The following SNX20 variants were observed in gnomAD, a reference collection of about 807,000 sequenced individuals.
The protein encoded by SNX20 is sorting nexin 20.
Under a neutral mutation model 24.5 loss-of-function variants are expected in SNX20, and 21 were observed. That is an observed-to-expected ratio of 0.86 (90% CI 0.61 to 1.23). The LOEUF is 1.23. Among genes scored for constraint, SNX20 ranks in the 50% most tolerant of loss-of-function variants. The probability of loss-of-function intolerance (pLI) is 0.00; values close to 1 mark genes in which losing one functional copy is unlikely to be tolerated. For missense variants in SNX20, 433 were observed against 430.8 expected (o/e 1.00, Z -0.04); for synonymous variants, 206 against 192.8 (o/e 1.07, Z -0.57).
chr16:50,667,712 G>A, downstream of SNX20: 1 of 413,600 alleles, frequency 2.4e-6, no homozygotes, highest in Non-Finnish European at 4.3e-6. Context: ...AACTAGTTTT[G>A]CTGCTCCAAA....
downstream of SNX20, chr16:50,669,358 C>T (rs1039726935): frequency 9.3e-6 from 5 of 535,884 alleles, no homozygotes; most frequent in South Asian, 2.4e-5. Context: ...AGGGGGAGTT[C>T]GTGACTTACA....
chr16:50,677,352 T>C, intron 2 of SNX20, 45 bp downstream of exon 2: 1 of 1,492,974 alleles, frequency 6.7e-7, no homozygotes, highest in East Asian at 2.4e-5. Flanking sequence ...ACTTTGAATG[T>C]CTTCAGACCT....
downstream of SNX20, chr16:50,669,396 C>T (rs942490132): frequency 2.1e-6 from 1 of 472,438 alleles, no homozygotes; most frequent in Non-Finnish European, 3.8e-6. Flanking sequence ...AGAGCCATGT[C>T]AGGCTCTTCT....
At chr16:50,681,056 C>A in intron 1 of SNX20, 134 bp downstream of exon 1, 1 of 152,550 alleles carries the variant, frequency 6.6e-6, no homozygotes, top group Non-Finnish European at 1.5e-5. Context: ...CTAAGGAGAG[C>A]TCCAGACACA....
At chr16:50,675,986 G>T (rs1195629352) in intron 2 of SNX20, 65 bp from the exon 3 acceptor site, 1 of 1,501,674 alleles carries the variant, frequency 6.7e-7, no homozygotes, top group Non-Finnish European at 8.9e-7. Flanking sequence ...TGGGCTTGGG[G>T]AGATGGCTGG....
At chr16:50,670,446 A>G (rs1462218589), downstream of SNX20, 1 of 152,198 alleles carries the variant, frequency 6.6e-6, no homozygotes, top group African/African-American at 2.4e-5. Flanking sequence ...CATCCTGGGT[A>G]TGGAGGTCAG....
At chr16:50,669,993 G>A (rs1381344401), downstream of SNX20, 1 of 152,232 alleles carries the variant, frequency 6.6e-6, no homozygotes, top group East Asian at 1.9e-4. Flanking sequence ...GGTCTCATGA[G>A]GATGCCTAAT....
chr16:50,666,793 TGAG>T (rs1428073287), downstream of SNX20: 2 of 152,314 alleles, frequency 1.3e-5, no homozygotes, highest in African/African-American at 4.8e-5. Context: ...ATCCTACAGA[TGAG>T]GAGCTCACAA....
chr16:50,668,013 TATCAGGGTGTGGC>T, downstream of SNX20: 2 of 1,551,602 alleles, frequency 1.3e-6, no homozygotes. Context: ...AGGGTCTTGA[TATCAGGGTGTGGC>T]GTCAGGAGCC....
In SNX20 at chr16:50,672,561, A is replaced by G. The variant is rs1303193534; in HGVS notation, c.*845T>C. The G allele has an allele frequency of 4.0e-5, 6 of 150,888 alleles. No individual in the cohort carries two copies. Among genetic ancestry groups the G allele is most frequent in the African/African-American group, 1.2e-4 (5 of 40,248 alleles). 9.3% of individuals were successfully genotyped at this position (150,888 alleles called of 1,614,324 possible). A position where few individuals can be genotyped will look rare whatever the true frequency, so the allele number is the denominator to read the frequency against. On this transcript the variant is annotated 3_prime_UTR_variant, in exon 4 of 4. Coordinates refer to ENST00000330943, the MANE Select transcript of SNX20 (RefSeq NM_182854.4). ...TGTGTAGAGGCTGTTCTTGAGGGCA[A>G]TAGGTGAGCTTTTGTTTTGCTTTGT...
rs1310404287 is a variant in SNX20, at chr16:50,677,105, G to A, written c.130+292C>T. ...CAGAGATATGTTCCAGGGTCTCCCA[G>A]AAGACCCCCGCTGGGGTTGAGCTTC... On this transcript the variant is annotated intron_variant, in intron 2 of 3. Coordinates refer to ENST00000330943, the MANE Select transcript of SNX20 (RefSeq NM_182854.4). Among the ~76,000 whole-genome samples, 3 of 152,192 alleles carry A rather than the reference G, an allele frequency of 2.0e-5. No individual in the cohort carries two copies. The East Asian group carries it at 5.8e-4, about 29-fold the overall frequency.
rs774842861 is a variant in SNX20, at chr16:50,677,454, G to A, written c.73C>T (p.Gln25Ter). ...TCGGGGCCAGTGGCTGGTGCTTCCT[G>A]CTGGGTCCTTGCCGTGCACTGGGTT... ...PITQCTARTQ[Q>*]EAPATGPDLP... Residue 25 changes from glutamine (Q) to a stop codon, truncating the protein, a stop_gained, in exon 2 of 4, where the codon CAG (glutamine) becomes TAG (stop). Coordinates refer to ENST00000330943, the MANE Select transcript of SNX20 (RefSeq NM_182854.4). LOFTEE classifies it high-confidence loss of function. 6.2e-7 allele frequency: 1 copy of A among 1,609,850 alleles called. No homozygotes were observed. Among genetic ancestry groups the A allele is most frequent in the Non-Finnish European group, 8.5e-7 (1 of 1,177,970 alleles).
chr16:50,677,546 A>G lies in SNX20; in HGVS notation c.-9-11T>C. On this transcript the variant is annotated splice_polypyrimidine_tract_variant and intron_variant, in intron 1 of 3. Coordinates refer to ENST00000330943, the MANE Select transcript of SNX20 (RefSeq NM_182854.4). ...TGCCATGCTCCAAGGCTGCCAGAGG[A>G]AAAAGAGAACAGTGAGGACCCACTC... The G allele has an allele frequency of 6.5e-7, 1 of 1,547,784 alleles. No homozygotes were observed. Among genetic ancestry groups the G allele is most frequent in the Admixed American group, 1.8e-5 (1 of 54,122 alleles).
downstream of SNX20, chr16:50,668,439 G>A (rs952314190): frequency 7.9e-6 from 6 of 763,838 alleles, no homozygotes; most frequent in Admixed American, 4.8e-5. Context: ...AACAGTGATC[G>A]GTTTCATTGT....
At chr16:50,679,706 C>T (rs960812727) in intron 1 of SNX20, among the ~76,000 whole-genome samples, 4 of 152,204 alleles carry the variant, frequency 2.6e-5, no homozygotes, top group Admixed American at 6.5e-5. Context: ...AATGTGGCTA[C>T]AAGCCCCGTC....
chr16:50,675,276 T>C (rs2150761800), intron 3 of SNX20, among the ~76,000 whole-genome samples: 1 of 152,366 alleles, frequency 6.6e-6, no homozygotes, highest in Non-Finnish European at 1.5e-5. Context: ...AGCTAGAATT[T>C]AATAACAGCA....
chr16:50,674,046 C>G lies in SNX20; in HGVS notation c.311G>C (p.Gly104Ala). 1 of 1,606,836 alleles carries G rather than the reference C, an allele frequency of 6.2e-7. No homozygotes were observed. The highest frequency in any genetic ancestry group is 1.7e-5 in the Admixed American group (1 of 59,194). ...GACGGCCTTGTTGTTGTCAAAGCTC[C>G]CAGTCTGGATGACGATGATTTGGTA... is the stretch of plus-strand genomic sequence containing the variant. Reference protein sequence around the residue: ...VVYQIIVIQTGSFDNNKAVLE... With the variant: ...VVYQIIVIQTASFDNNKAVLE... The change falls in exon 4 of 4, where the codon GGG (glycine) becomes GCG (alanine). Residue 104 changes from glycine (G) to alanine (A), a missense_variant. Transcript: ENST00000330943.
downstream of SNX20, chr16:50,671,543 T>C (rs1252291732): frequency 6.6e-6 from 1 of 152,218 alleles, no homozygotes; most frequent in Non-Finnish European, 1.5e-5. Context: ...ATGTTGGGTA[T>C]TTTTTCTTTG....
chr16:50,667,086 G>A (rs966175789), downstream of SNX20: 16 of 152,178 alleles, frequency 1.1e-4, no homozygotes, highest in African/African-American at 3.9e-4. Flanking sequence ...TAACCAAAAG[G>A]GTCTGCACGG....
Sources: gnomAD v4.1 joint callset for allele counts (sites outside exome capture counted in the v4.1 genomes callset) on GRCh38, gnomAD v4.1.1 for gene constraint, MANE v1.5 for transcripts, NCBI Gene and HGNC (gene_info 2026-07-23, HGNC 2026-07-21) for gene names.